The following TENM3 variants were observed in gnomAD, a reference collection of about 807,000 sequenced individuals.
TENM3 encodes teneurin transmembrane protein 3.
TENM3 carries 63 observed loss-of-function variants against 255.1 expected under a neutral mutation model. The ratio of observed to expected loss-of-function variants is 0.25; its 90% CI spans 0.20 to 0.30. The LOEUF (loss-of-function observed/expected upper bound fraction) is 0.30, where lower values mean the gene tolerates loss of function less well. Ranked by LOEUF, TENM3 falls within the 10% of genes least tolerant of loss-of-function variation. The pLI, the probability that TENM3 is intolerant of heterozygous loss-of-function variation, is 1.00. For synonymous variants in TENM3, 1,306 were observed against 1,322.3 expected, an observed-to-expected ratio of 0.99 and a Z score of 0.27; for missense variants, 2,929 against 3,461.1, an observed-to-expected ratio of 0.85 and a Z score of 3.86.
At chr4:182,397,304 G>A (rs1025885297) in intron 3 of TENM3, among the ~76,000 whole-genome samples, 13 of 149,404 alleles carry the variant, frequency 8.7e-5, no homozygotes, top group Non-Finnish European at 3.0e-5. Flanking sequence ...GGGAGGCTGA[G>A]GCAGGAGAAT....
chr4:182,575,675 ATT>A (rs1415879157), intron 3 of TENM3, among the ~76,000 whole-genome samples: 1 of 152,206 alleles, frequency 6.6e-6, no homozygotes. Context: ...AAAGAATAAC[ATT>A]TTTGTTTATT....
the TENM3 span, among the ~76,000 whole-genome samples, chr4:181,752,920 A>T: frequency 6.6e-6 from 1 of 152,194 alleles, no homozygotes; most frequent in Non-Finnish European, 1.5e-5. Flanking sequence ...ATGTGCTGGA[A>T]TGAGTTTAAA....
At chr4:181,825,236 A>C in the TENM3 span, among the ~76,000 whole-genome samples, 3 of 152,102 alleles carry the variant, frequency 2.0e-5, no homozygotes, top group Admixed American at 2.0e-4. Context: ...CCCCATCTCT[A>C]CTAAAAATAC....
the TENM3 span, among the ~76,000 whole-genome samples, chr4:181,483,028 C>A: frequency 6.6e-6 from 1 of 152,054 alleles, no homozygotes; most frequent in Non-Finnish European, 1.5e-5. Context: ...CCTTCTCAGG[C>A]AAAAGCAGAA....
intron 1 of TENM3, among the ~76,000 whole-genome samples, chr4:182,232,705 A>G (rs1044691294): frequency 3.3e-5 from 5 of 152,024 alleles, no homozygotes; most frequent in Non-Finnish European, 7.4e-5. Context: ...AAAAAAAAAG[A>G]CATATATACA....
intron 13 of TENM3, among the ~76,000 whole-genome samples, chr4:182,727,678 CA>C (rs1376499004): frequency 6.6e-6 from 1 of 151,960 alleles, no homozygotes; most frequent in Non-Finnish European, 1.5e-5. Flanking sequence ...TTTATGTCAT[CA>C]ATACTATAGG....
At chr4:181,689,218 C>T in the TENM3 span, among the ~76,000 whole-genome samples, 1,275 of 152,260 alleles carry the variant, frequency 8.4e-3, 20 homozygotes, top group African/African-American at 0.029. Flanking sequence ...CACAAAATCT[C>T]GGGATTATAT....
the TENM3 span, among the ~76,000 whole-genome samples, chr4:181,848,645 C>T: frequency 6.6e-6 from 1 of 151,620 alleles, no homozygotes; most frequent in Non-Finnish European, 1.5e-5. Flanking sequence ...TTTAGATTCA[C>T]GTATTACTGA....
intron 1 of TENM3, among the ~76,000 whole-genome samples, chr4:182,148,511 G>T (rs1040121198): frequency 2.0e-5 from 3 of 151,930 alleles, no homozygotes; most frequent in Non-Finnish European, 4.4e-5. Context: ...ATATTTTCTT[G>T]CCCATCAAAG....
At chr4:182,553,922 A>G (rs562514733) in intron 3 of TENM3, among the ~76,000 whole-genome samples, 8 of 152,236 alleles carry the variant, frequency 5.3e-5, no homozygotes, top group Admixed American at 2.0e-4. Flanking sequence ...CAAATGAACA[A>G]TTTTATGTCT....
At chr4:182,555,390 T>A (rs1742482421) in intron 3 of TENM3, among the ~76,000 whole-genome samples, 1 of 152,206 alleles carries the variant, frequency 6.6e-6, no homozygotes, top group Non-Finnish European at 1.5e-5. Flanking sequence ...AGACATTATG[T>A]TAGTATAATT....
At chr4:182,657,672 G>C (rs1753867656) in intron 6 of TENM3, among the ~76,000 whole-genome samples, 1 of 151,936 alleles carries the variant, frequency 6.6e-6, no homozygotes, top group African/African-American at 2.4e-5. Flanking sequence ...TACTTATTTT[G>C]AGACAGGGTC....
At chr4:181,783,640 T>A in the TENM3 span, among the ~76,000 whole-genome samples, 1 of 152,182 alleles carries the variant, frequency 6.6e-6, no homozygotes, top group Admixed American at 6.5e-5. Context: ...AAATATTGAA[T>A]TTTCTGAACC....
At chr4:181,644,200 C>T in the TENM3 span, among the ~76,000 whole-genome samples, 1 of 151,878 alleles carries the variant, frequency 6.6e-6, no homozygotes, top group Non-Finnish European at 1.5e-5. Flanking sequence ...ACATTTCCTA[C>T]ATTTCCAAGC....
At chr4:181,622,652 G>A in the TENM3 span, among the ~76,000 whole-genome samples, 1 of 152,120 alleles carries the variant, frequency 6.6e-6, no homozygotes, top group African/African-American at 2.4e-5. Flanking sequence ...CCCCAACCTG[G>A]GCAACAGAGC....
At chr4:181,729,355 G>A in the TENM3 span, among the ~76,000 whole-genome samples, 8 of 152,156 alleles carry the variant, frequency 5.3e-5, no homozygotes, top group African/African-American at 9.7e-5. Context: ...CAGGATGACT[G>A]TGGAAGCAAA....
chr4:182,227,512 G>A (rs1240505627), intron 1 of TENM3, among the ~76,000 whole-genome samples: 5 of 152,244 alleles, frequency 3.3e-5, no homozygotes, highest in South Asian at 2.1e-4. Context: ...AACCGTAGGC[G>A]TCAGTGGTCT....
chr4:182,405,660 C>T (rs921654655), intron 3 of TENM3, among the ~76,000 whole-genome samples: 7 of 152,220 alleles, frequency 4.6e-5, no homozygotes, highest in Non-Finnish European at 8.8e-5. Flanking sequence ...TTGGTCCCTG[C>T]TCTTCCTCTG....
chr4:181,470,515 A>G, the TENM3 span, among the ~76,000 whole-genome samples: 14 of 152,158 alleles, frequency 9.2e-5, no homozygotes, highest in Non-Finnish European at 1.8e-4. Context: ...AATTCCAAAA[A>G]CACGTGTTCC....
Sources: gnomAD v4.1 joint callset for allele counts (sites outside exome capture counted in the v4.1 genomes callset) on GRCh38, gnomAD v4.1.1 for gene constraint, MANE v1.5 for transcripts, NCBI Gene and HGNC (gene_info 2026-07-23, HGNC 2026-07-21) for gene names.